The following AGPS variants were observed in gnomAD, a reference collection of about 807,000 sequenced individuals.
AGPS encodes alkylglycerone phosphate synthase.
AGPS carries 26 observed loss-of-function variants against 90.7 expected under a neutral mutation model. That is an observed-to-expected ratio of 0.29 (90% CI 0.21 to 0.40). The LOEUF (loss-of-function observed/expected upper bound fraction) is 0.40, where lower values mean the gene tolerates loss of function less well. Ranked by LOEUF, AGPS falls within the 10% of genes least tolerant of loss-of-function variation. The probability of loss-of-function intolerance (pLI) is 1.00; values close to 1 mark genes in which losing one functional copy is unlikely to be tolerated. For missense variants in AGPS, 540 were observed against 816.1 expected, an observed-to-expected ratio of 0.66 and a Z score of 4.12; for synonymous variants, 294 against 285.3, an observed-to-expected ratio of 1.03 and a Z score of -0.31.
chr2:177,469,083 A>G (rs1159083767), intron 10 of AGPS, among the ~76,000 whole-genome samples: 1 of 152,104 alleles, frequency 6.6e-6, no homozygotes, highest in African/African-American at 2.4e-5. Context: ...TAAAACATTT[A>G]AGTCCTGTGC....
chr2:177,456,639 C>T (rs1687119022), intron 8 of AGPS, among the ~76,000 whole-genome samples: 1 of 152,074 alleles, frequency 6.6e-6, no homozygotes, highest in Non-Finnish European at 1.5e-5. Context: ...TTACACAATT[C>T]CTGGTATATA....
rs528946576 is a variant in AGPS, at chr2:177,430,912, GA to G, written c.351-3410del. Among the ~76,000 whole-genome samples the G allele has an allele frequency of 9.2e-5, 14 of 152,200 alleles. No homozygotes were observed. In the South Asian group the frequency reaches 2.9e-3, roughly 32 times the overall value. Reference sequence around the variant, plus strand: ...AGAAATCACAAGTTAGTATATAAATGAAAAATTTGAGTTTGTTAGACTTTGT... The same window carrying G: ...AGAAATCACAAGTTAGTATATAAATGAAAATTTGAGTTTGTTAGACTTTGT... On this transcript the variant is annotated intron_variant, in intron 2 of 19. Transcript: ENST00000264167.
At chr2:177,497,807 A>G in intron 13 of AGPS, 42 bp downstream of exon 13, 2 of 1,127,152 alleles carry the variant, frequency 1.8e-6, no homozygotes, top group Admixed American at 1.9e-5. Flanking sequence ...AATGCTTAAG[A>G]TATCTGTTTT....
At chr2:177,429,530 TTC>T (rs1559042303) in intron 2 of AGPS, among the ~76,000 whole-genome samples, 3 of 152,080 alleles carry the variant, frequency 2.0e-5, no homozygotes, top group East Asian at 3.9e-4. Context: ...TGTTGTTGCT[TTC>T]TGTTTGTTTG....
chr2:177,447,021 A>G (rs1417612421), intron 8 of AGPS, among the ~76,000 whole-genome samples: 6 of 152,186 alleles, frequency 3.9e-5, no homozygotes, highest in Non-Finnish European at 4.4e-5. Context: ...CTCAAACATA[A>G]TCAAGATAAC....
intron 1 of AGPS, among the ~76,000 whole-genome samples, chr2:177,396,654 G>A (rs937145152): frequency 6.6e-6 from 1 of 152,158 alleles, no homozygotes; most frequent in African/African-American, 2.4e-5. Flanking sequence ...CACAATAGGC[G>A]AGAAATAATG....
chr2:177,508,624 G>C (rs1344784567), intron 16 of AGPS, among the ~76,000 whole-genome samples: 5 of 152,094 alleles, frequency 3.3e-5, no homozygotes, highest in African/African-American at 7.2e-5. Context: ...CATACATACA[G>C]TATTGGTTAG....
chr2:177,483,921 G>C (rs1044153191), intron 11 of AGPS, among the ~76,000 whole-genome samples: 1 of 151,460 alleles, frequency 6.6e-6, no homozygotes, highest in Admixed American at 6.6e-5. Context: ...TTCAAATTAA[G>C]ATACCCCAGA....
At chr2:177,449,900 T>A (rs1033889962) in intron 8 of AGPS, among the ~76,000 whole-genome samples, 10 of 151,602 alleles carry the variant, frequency 6.6e-5, no homozygotes, top group Middle Eastern at 3.4e-3. Context: ...TGCAGTGGTG[T>A]GATCTCGGCT....
chr2:177,406,711 AC>A (rs1204194264), intron 1 of AGPS, among the ~76,000 whole-genome samples: 3 of 152,232 alleles, frequency 2.0e-5, no homozygotes, highest in Non-Finnish European at 4.4e-5. Context: ...CATGGAAAAT[AC>A]TGTTTTGATT....
intron 16 of AGPS, among the ~76,000 whole-genome samples, chr2:177,511,306 C>T (rs1389491080): frequency 6.6e-6 from 1 of 151,978 alleles, no homozygotes; most frequent in Non-Finnish European, 1.5e-5. Flanking sequence ...TTATGTTGCC[C>T]AGGCTGGTCT....
intron 10 of AGPS, among the ~76,000 whole-genome samples, chr2:177,479,451 G>A (rs924217447): frequency 6.6e-6 from 1 of 152,072 alleles, no homozygotes; most frequent in Admixed American, 6.6e-5. Context: ...GAAAACATGT[G>A]TCCAGAAAAA....
At chr2:177,400,468 A>C (rs947483869) in intron 1 of AGPS, among the ~76,000 whole-genome samples, 5 of 152,178 alleles carry the variant, frequency 3.3e-5, no homozygotes, top group African/African-American at 1.2e-4. Context: ...GCATTTGTAT[A>C]TTTAATTCTG....
At chr2:177,456,325 A>C (rs1687108104) in intron 8 of AGPS, among the ~76,000 whole-genome samples, 1 of 152,270 alleles carries the variant, frequency 6.6e-6, no homozygotes, top group Non-Finnish European at 1.5e-5. Context: ...ATATGATCTT[A>C]GATACCATTT....
rs1490265815 is a variant in AGPS at position 177,442,397 on chromosome 2, A to G, written c.710-10A>G. 3 of 1,608,196 alleles carry G rather than the reference A, an allele frequency of 1.9e-6. No homozygotes were observed. The highest frequency in any genetic ancestry group is 1.3e-5 in the African/African-American group (1 of 74,800). On this transcript the variant is annotated splice_polypyrimidine_tract_variant and intron_variant, in intron 6 of 19. Transcript: ENST00000264167. ...TTAAACATAAAAGTTGTTGTTTCCT[A>G]TTTTGGCAGGAGGAACAAGTGTTTC...
intron 16 of AGPS, among the ~76,000 whole-genome samples, chr2:177,513,384 A>G (rs1688936533): frequency 6.6e-6 from 1 of 152,136 alleles, no homozygotes; most frequent in South Asian, 2.1e-4. Flanking sequence ...TGAGCCATGC[A>G]CCCAGCCTGA....
chr2:177,479,680 A>T (rs922646647), intron 10 of AGPS, among the ~76,000 whole-genome samples: 6 of 152,252 alleles, frequency 3.9e-5, no homozygotes, highest in Non-Finnish European at 8.8e-5. Flanking sequence ...AAGGCCAGAT[A>T]TTATGAGATT....
chr2:177,489,108 G>A (rs549954464), intron 11 of AGPS, among the ~76,000 whole-genome samples: 54 of 135,406 alleles, frequency 4.0e-4, no homozygotes, highest in African/African-American at 1.4e-3. Flanking sequence ...TTTTTGAAAC[G>A]GAGTCTCGCT....
chr2:177,537,966 T>C, intron 19 of AGPS, 108 bp from the exon 20 acceptor site: 1 of 1,456,046 alleles, frequency 6.9e-7, no homozygotes, highest in Non-Finnish European at 9.6e-7. Context: ...TTTCTCATTT[T>C]TGAATAAAAG....
Sources: allele counts gnomAD v4.1 joint callset (sites outside exome capture counted in the v4.1 genomes callset), GRCh38; gene constraint gnomAD v4.1.1; transcripts MANE v1.5; gene names NCBI Gene and HGNC (gene_info 2026-07-23, HGNC 2026-07-21).